The following BTK variants were observed in gnomAD, a reference collection of about 807,000 sequenced individuals.
The protein encoded by BTK is tyrosine-protein kinase BTK.
BTK carries 5 observed loss-of-function variants against 57.4 expected under a neutral mutation model. The observed-to-expected ratio is 0.09, with a 90% CI of 0.05 to 0.18. BTK has a LOEUF of 0.18. Ranked by LOEUF, BTK falls within the 10% of genes least tolerant of loss-of-function variation. The probability of loss-of-function intolerance (pLI) is 1.00; values close to 1 mark genes in which losing one functional copy is unlikely to be tolerated. For missense variants in BTK, 194 were observed against 501.2 expected, an observed-to-expected ratio of 0.39 and a Z score of 5.85; for synonymous variants, 154 against 174.3, an observed-to-expected ratio of 0.88 and a Z score of 0.92.
chrX:101,351,026 C>G (rs781811240), intron 18 of BTK, among the ~76,000 whole-genome samples: 10 of 111,724 alleles, frequency 9.0e-5, no homozygotes, highest in African/African-American at 3.2e-4. Context: ...GACACAGTCT[C>G]GCTCTGTCAC....
chrX:101,360,803 A>G, intron 7 of BTK, 48 bp from the exon 8 acceptor site: 1 of 1,130,232 alleles, frequency 8.8e-7, no homozygotes, highest in Non-Finnish European at 1.2e-6. Flanking sequence ...GATACCAAGC[A>G]CTCTTCTCTT....
chrX:101,375,336 G>A (rs781999366), intron 1 of BTK, 22 bp from the exon 2 acceptor site: 2 of 1,194,400 alleles, frequency 1.7e-6, no homozygotes, highest in Non-Finnish European at 1.1e-6. Flanking sequence ...GAAAGTTCCT[G>A]AGGACCCAGG....
chrX:101,357,723 T>G, intron 12 of BTK, 140 bp from the exon 13 acceptor site: 1 of 552,932 alleles, frequency 1.8e-6, no homozygotes, highest in Non-Finnish European at 3.2e-6. Flanking sequence ...TGAACCCACA[T>G]ATTTCCAGAG....
intron 3 of BTK, chrX:101,374,237 A>G: frequency 3.3e-6 from 1 of 300,436 alleles, no homozygotes; most frequent in Non-Finnish European, 5.9e-6. Context: ...AAGCCTCTAA[A>G]TCTGATCCTG....
intron 1 of BTK, chrX:101,377,858 C>T (rs1555981253): frequency 9.0e-6 from 1 of 111,331 alleles, no homozygotes. Flanking sequence ...TTTGGTACCA[C>T]CTTCTTTGAC....
intron 1 of BTK, among the ~76,000 whole-genome samples, chrX:101,376,670 G>C (rs1272956107): frequency 9.4e-6 from 1 of 106,236 alleles, no homozygotes; most frequent in Non-Finnish European, 1.9e-5. Flanking sequence ...CACTAAGTAA[G>C]TAACGAAAAA....
rs781966844 is a variant in BTK at position 101,372,765 on chromosome X, C to T, written c.241-1064G>A. 9.4e-5 allele frequency among the ~76,000 whole-genome samples: 10 copies of T among 105,996 alleles called. No individual in the cohort carries two copies. The South Asian group carries it at 4.7e-3, about 50-fold the overall frequency. The allele number at this position is 105,996 out of a possible 115,157, so 92.0% of individuals were successfully genotyped here. ...CCACCTGAAATGCTATTTTTCTTGG[C>T]TGTCAAATTAACTAATATTTAAAAT... On this transcript the variant is annotated intron_variant, in intron 3 of 18. Transcript: ENST00000308731.
chrX:101,371,501 G>T, intron 4 of BTK, 132 bp downstream of exon 4: 1 of 581,752 alleles, frequency 1.7e-6, no homozygotes, highest in Non-Finnish European at 3.1e-6. Context: ...CTCATTTCTT[G>T]GTTCAGCATC....
chrX:101,379,425 C>A (rs969658583), intron 1 of BTK, among the ~76,000 whole-genome samples: 3 of 111,730 alleles, frequency 2.7e-5, no homozygotes, highest in Non-Finnish European at 5.6e-5. Context: ...TGGAATGGAA[C>A]TTCTGTTCCT....
chrX:101,355,733 A>C (rs1436454438), intron 15 of BTK: 2 of 337,249 alleles, frequency 5.9e-6, no homozygotes, highest in East Asian at 1.1e-4. Flanking sequence ...TGCCAGGAGC[A>C]GTCCCATTGG....
At chrX:101,358,750 A>G in intron 10 of BTK, 54 bp from the exon 11 acceptor site, 1 of 992,296 alleles carries the variant, frequency 1.0e-6, no homozygotes, top group Non-Finnish European at 1.4e-6. Context: ...TCACACCTGC[A>G]TCCCACCTGC....
upstream of BTK, among the ~76,000 whole-genome samples, chrX:101,387,967 C>T (rs782587289): frequency 3.1e-4 from 34 of 109,168 alleles, no homozygotes; most frequent in Non-Finnish European, 6.3e-4. Flanking sequence ...CCCGGGTTCA[C>T]GCCATTGTCC....
chrX:101,381,570 C>G (rs369779577), intron 1 of BTK, among the ~76,000 whole-genome samples: 3 of 111,512 alleles, frequency 2.7e-5, no homozygotes, highest in African/African-American at 9.8e-5. Context: ...GAAATACTAT[C>G]TATATAATCA....
intron 1 of BTK, among the ~76,000 whole-genome samples, chrX:101,380,615 C>A (rs1927377813): frequency 9.0e-6 from 1 of 111,116 alleles, no homozygotes; most frequent in African/African-American, 3.3e-5. Flanking sequence ...ATAGAGATTA[C>A]CAATATCTTG....
intron 5 of BTK, 35 bp from the exon 6 acceptor site, chrX:101,362,724 C>T (rs1926714679): frequency 8.3e-7 from 1 of 1,208,929 alleles, no homozygotes; most frequent in African/African-American, 1.7e-5. Context: ...TCACATCTGA[C>T]ATGGAGGAGA....
chrX:101,374,854 G>A (rs1445207825), intron 2 of BTK, among the ~76,000 whole-genome samples: 2 of 111,555 alleles, frequency 1.8e-5, no homozygotes, highest in African/African-American at 6.5e-5. Flanking sequence ...CTTCCTCATA[G>A]GAAGTAAGGA....
At chrX:101,373,871 G>A (rs1034412635) in intron 3 of BTK, among the ~76,000 whole-genome samples, 3 of 109,249 alleles carry the variant, frequency 2.7e-5, no homozygotes, top group South Asian at 3.9e-4. Flanking sequence ...GTGAAACCCC[G>A]TCTCTACTAA....
intron 1 of BTK, among the ~76,000 whole-genome samples, chrX:101,381,642 G>A (rs1475566051): frequency 8.9e-6 from 1 of 111,918 alleles, no homozygotes; most frequent in Non-Finnish European, 1.9e-5. Flanking sequence ...CCAATATCTT[G>A]AATTTGGTGT....
At chrX:101,390,794 G>T (rs1927757861), upstream of BTK, 2 of 497,242 alleles carry the variant, frequency 4.0e-6, no homozygotes, top group Non-Finnish European at 6.7e-6. Context: ...ATAAAGTGAC[G>T]AAACGTTGAA....
Sources: gnomAD v4.1 joint callset for allele counts (sites outside exome capture counted in the v4.1 genomes callset) on GRCh38, gnomAD v4.1.1 for gene constraint, MANE v1.5 for transcripts, NCBI Gene and HGNC (gene_info 2026-07-23, HGNC 2026-07-21) for gene names.